The following PLD1 variants were observed in gnomAD, a reference collection of about 807,000 sequenced individuals.
The protein encoded by PLD1 is choline phosphatase 1.
In PLD1, 112 loss-of-function variants were observed where a neutral mutation model predicts 137.1. The ratio of observed to expected loss-of-function variants is 0.82; its 90% CI spans 0.70 to 0.96. The LOEUF is 0.96. Ranked by LOEUF, PLD1 falls within the 40% of genes least tolerant of loss-of-function variation. The probability of loss-of-function intolerance (pLI) is 0.00; values close to 1 mark genes in which losing one functional copy is unlikely to be tolerated. For missense variants in PLD1, 1,321 were observed against 1,342.0 expected (o/e 0.98, Z 0.24); for synonymous variants, 431 against 454.7 (o/e 0.95, Z 0.66).
In PLD1 at chr3:171,770,947, C is replaced by T. The variant is rs148818036; in HGVS notation, c.-31-32865G>A. On this transcript the variant is annotated intron_variant, in intron 1 of 26. Coordinates refer to ENST00000351298, the MANE Select transcript of PLD1 (RefSeq NM_002662.5). ...GCAGGGCTGATATTTACTAACAAGA[C>T]CTCTGGACTGCAAATCCAACACAGA... Among the ~76,000 whole-genome samples the T allele has an allele frequency of 2.1e-4, 31 of 148,438 alleles. No individual in the cohort carries two copies. In the East Asian group the frequency reaches 5.9e-3, roughly 28 times the overall value.
intron 21 of PLD1, among the ~76,000 whole-genome samples, chr3:171,658,904 G>GC (rs1283343638): frequency 6.6e-6 from 1 of 152,134 alleles, no homozygotes; most frequent in Non-Finnish European, 1.5e-5. Flanking sequence ...TATTATGTCT[G>GC]TTTTGCTTTT....
In PLD1 at chr3:171,649,458, T is replaced by C. The variant is rs551482502; in HGVS notation, c.2430-4435A>G. 1.1e-4 allele frequency among the ~76,000 whole-genome samples: 16 copies of C among 152,350 alleles called. No individual in the cohort carries two copies. The Middle Eastern group carries it at 0.01, about 97-fold the overall frequency. On this transcript the variant is annotated intron_variant, in intron 21 of 26. Coordinates refer to ENST00000351298, the MANE Select transcript of PLD1 (RefSeq NM_002662.5). ...GCACAGAAGATTCCATGGGACACTG[T>C]GTCCAATCTGCCTCCTTGATCCAAT...
At chr3:171,623,997 C>CAAAAAAAAAAAA (rs369934863) in intron 23 of PLD1, among the ~76,000 whole-genome samples, 1 of 65,436 alleles carries the variant, frequency 1.5e-5, no homozygotes, top group African/African-American at 4.8e-5. Flanking sequence ...TATCCAGAGG[C>CAAAAAAAAAAAA]AAAAAAAAAA....
intron 16 of PLD1, among the ~76,000 whole-genome samples, chr3:171,682,994 C>T (rs1048864844): frequency 6.6e-6 from 1 of 152,214 alleles, no homozygotes; most frequent in African/African-American, 2.4e-5. Flanking sequence ...TCACCTCACG[C>T]TCCATCTTCC....
intron 1 of PLD1, among the ~76,000 whole-genome samples, chr3:171,762,925 T>C (rs1443923673): frequency 6.6e-6 from 1 of 152,190 alleles, no homozygotes; most frequent in Non-Finnish European, 1.5e-5. Flanking sequence ...AGAAAACTAG[T>C]TGCCTTAAGT....
chr3:171,687,417 G>T lies in PLD1; in HGVS notation c.1707C>A (p.His569Gln). 6.2e-7 allele frequency: 1 copy of T among 1,614,102 alleles called. No homozygotes were observed. Among genetic ancestry groups the T allele is most frequent in the South Asian group, 1.1e-5 (1 of 91,080 alleles). Residue 569 changes from histidine (H) to glutamine (Q), a missense_variant, in exon 15 of 27, where the codon CAC (histidine) becomes CAA (glutamine). Transcript: ENST00000351298. ...KFSLYKQLHRHHLHDADSISS... is the reference protein window; with the variant it reads ...KFSLYKQLHRQHLHDADSISS... ...TGATGCTATCTGCGTCGTGCAGGTGGTGCCTGTGGAGCTGCTTGTAGAGAC... is the reference window on the plus strand; with the variant it reads ...TGATGCTATCTGCGTCGTGCAGGTGTTGCCTGTGGAGCTGCTTGTAGAGAC...
chr3:171,785,740 A>T (rs1422365742), intron 1 of PLD1, among the ~76,000 whole-genome samples: 1 of 152,118 alleles, frequency 6.6e-6, no homozygotes, highest in East Asian at 1.9e-4. Flanking sequence ...CCCAGCCTCC[A>T]GTGTCTATTT....
At chr3:171,667,528 G>GT (rs1281689868) in intron 19 of PLD1, among the ~76,000 whole-genome samples, 1 of 152,206 alleles carries the variant, frequency 6.6e-6, no homozygotes, top group African/African-American at 2.4e-5. Context: ...AGGAAACACA[G>GT]TATTAGTTGG....
At chr3:171,772,146 C>A (rs947687492) in intron 1 of PLD1, among the ~76,000 whole-genome samples, 1 of 152,210 alleles carries the variant, frequency 6.6e-6, no homozygotes, top group Admixed American at 6.5e-5. Flanking sequence ...ATTGTTAGAA[C>A]ATCAGCTTTT....
At chr3:171,618,848 A>AGTGTGTATGT (rs1553799853) in intron 24 of PLD1, among the ~76,000 whole-genome samples, 1 of 128,596 alleles carries the variant, frequency 7.8e-6, no homozygotes, top group East Asian at 2.1e-4. Context: ...AAATATTAAA[A>AGTGTGTATGT]GTGTGTGTGC....
intron 1 of PLD1, among the ~76,000 whole-genome samples, chr3:171,774,028 G>T (rs554274009): frequency 6.6e-6 from 1 of 152,314 alleles, no homozygotes; most frequent in South Asian, 2.1e-4. Context: ...GATTACAGGC[G>T]TGAGCCACCG....
chr3:171,785,226 G>C (rs188407748), intron 1 of PLD1, among the ~76,000 whole-genome samples: 1 of 152,096 alleles, frequency 6.6e-6, no homozygotes, highest in Non-Finnish European at 1.5e-5. Flanking sequence ...TCTCTATTCC[G>C]ACCGAATACG....
At position 171,615,041 on chromosome 3, in the gene PLD1, G is replaced by A. The variant is rs569919684; in HGVS notation, c.2729-2609C>T. Among the ~76,000 whole-genome samples, 135 of 152,308 alleles carry A rather than the reference G, an allele frequency of 8.9e-4. 1 individual carries two copies. The highest frequency in any genetic ancestry group is 3.2e-3 in the African/African-American group (132 of 41,556). On this transcript the variant is annotated intron_variant, in intron 24 of 26. Coordinates refer to ENST00000351298, the MANE Select transcript of PLD1 (RefSeq NM_002662.5). ...GGCTGCTATTTAATAGGCATGTGAGGAAAGAAATGAGAAAATTTTAGATGA... is the reference window on the plus strand; with the variant it reads ...GGCTGCTATTTAATAGGCATGTGAGAAAAGAAATGAGAAAATTTTAGATGA...
chr3:171,687,912 T>C (rs1714741759), intron 14 of PLD1, among the ~76,000 whole-genome samples: 2 of 152,204 alleles, frequency 1.3e-5, no homozygotes, highest in Non-Finnish European at 2.9e-5. Flanking sequence ...CTAATAAACA[T>C]TAAGTAAGCA....
chr3:171,744,134 G>A (rs1719970604), intron 1 of PLD1, among the ~76,000 whole-genome samples: 2 of 152,172 alleles, frequency 1.3e-5, no homozygotes, highest in African/African-American at 2.4e-5. Flanking sequence ...GGCTTTTGCT[G>A]AGGGCTTTTC....
chr3:171,719,996 A>G (rs1162393758), intron 8 of PLD1, among the ~76,000 whole-genome samples: 1 of 152,162 alleles, frequency 6.6e-6, no homozygotes, highest in African/African-American at 2.4e-5. Flanking sequence ...TTTAGACATT[A>G]ATAAAATAGT....
chr3:171,755,327 G>A (rs1445530043), intron 1 of PLD1, among the ~76,000 whole-genome samples: 1 of 151,986 alleles, frequency 6.6e-6, no homozygotes, highest in African/African-American at 2.4e-5. Flanking sequence ...CCACCAAACA[G>A]CTCTCTCCAA....
At chr3:171,687,723 G>A in intron 14 of PLD1, 139 bp from the exon 15 acceptor site, 1 of 626,560 alleles carries the variant, frequency 1.6e-6, no homozygotes, top group Non-Finnish European at 2.8e-6. Flanking sequence ...TCTGAGGTCA[G>A]CCACAGGGTA....
At chr3:171,739,213 T>A (rs1230971121) in intron 1 of PLD1, among the ~76,000 whole-genome samples, 2 of 152,152 alleles carry the variant, frequency 1.3e-5, no homozygotes, top group Non-Finnish European at 2.9e-5. Flanking sequence ...TAGCTGGGTC[T>A]CTCCTGCAGG....
Sources: allele counts gnomAD v4.1 joint callset (sites outside exome capture counted in the v4.1 genomes callset), GRCh38; gene constraint gnomAD v4.1.1; transcripts MANE v1.5; gene names NCBI Gene and HGNC (gene_info 2026-07-23, HGNC 2026-07-21).